YAF2: variants seen among roughly 807,000 people sequenced by gnomAD.
The protein encoded by YAF2 is YY1-associated factor 2.
A neutral mutation model predicts 20.1 loss-of-function variants in YAF2; 7 were observed. The ratio of observed to expected loss-of-function variants is 0.35; its 90% CI spans 0.20 to 0.65. YAF2 has a LOEUF of 0.65. Among genes scored for constraint, YAF2 ranks in the 30% least tolerant of loss-of-function variants. The pLI is 0.69. For synonymous variants in YAF2, 74 were observed against 76.0 expected (o/e 0.97, Z 0.14); for missense variants, 151 against 219.2 (o/e 0.69, Z 1.96).
intron 2 of YAF2, among the ~76,000 whole-genome samples, chr12:42,213,750 A>T (rs1422173146): frequency 6.6e-6 from 1 of 152,234 alleles, no homozygotes; most frequent in Admixed American, 6.5e-5. Flanking sequence ...CTGAAATGCC[A>T]TACCTTAAAA....
chr12:42,236,074 A>G, intron 2 of YAF2: 1 of 1,500,580 alleles, frequency 6.7e-7, no homozygotes, highest in Non-Finnish European at 8.9e-7. Flanking sequence ...GGAACAACAA[A>G]AAGCAATAAT....
At chr12:42,237,322 C>T (rs1015885889) in intron 2 of YAF2, 2 of 932,358 alleles carry the variant, frequency 2.1e-6, no homozygotes, top group Non-Finnish European at 2.7e-6. Context: ...GGGCATTACA[C>T]CCAGCGATAC....
At chr12:42,237,511 G>T in intron 2 of YAF2, 88 bp downstream of exon 2, 1 of 1,381,362 alleles carries the variant, frequency 7.2e-7, no homozygotes, top group Non-Finnish European at 9.4e-7. Context: ...GGGTCCGCCA[G>T]TGTCATGGGA....
intron 2 of YAF2, chr12:42,234,672 G>C (rs1382887394): frequency 1.0e-6 from 1 of 984,520 alleles, no homozygotes. Flanking sequence ...ATTATTTAAA[G>C]AAAAAAAATT....
intron 2 of YAF2, among the ~76,000 whole-genome samples, chr12:42,207,814 C>A (rs1331758684): frequency 1.6e-5 from 2 of 123,456 alleles, no homozygotes; most frequent in South Asian, 2.5e-4. Context: ...TGGCGTGAAC[C>A]CAGGAGGCAG....
rs886786450 is a variant in YAF2, at chr12:42,158,122, G to C, written c.*2467C>G. On this transcript the variant is annotated 3_prime_UTR_variant, in exon 4 of 4. Coordinates refer to ENST00000534854, the MANE Select transcript of YAF2 (RefSeq NM_005748.6). ...AGTTCTGTTTATGGAATTTGGGTCT[G>C]TTTTCCTGGTGTGGAAGTGTACTTG... 6.6e-6 allele frequency: 1 copy of C among 152,192 alleles called. No homozygotes were observed. The highest frequency in any genetic ancestry group is 1.5e-5 in the Non-Finnish European group (1 of 68,018). The allele number at this position is 152,192 out of a possible 1,614,324, so 9.4% of individuals were successfully genotyped here.
intron 2 of YAF2, among the ~76,000 whole-genome samples, chr12:42,224,382 C>A (rs2067619661): frequency 6.6e-6 from 1 of 151,898 alleles, no homozygotes; most frequent in African/African-American, 2.4e-5. Flanking sequence ...CAATATATTT[C>A]TTTTTTTTAT....
chr12:42,235,368 C>T (rs765375940), intron 2 of YAF2: 4 of 1,014,330 alleles, frequency 3.9e-6, no homozygotes, highest in Non-Finnish European at 4.7e-6. Context: ...GTTTTTTTAA[C>T]ATTACCAGAG....
rs986524983 is a variant in YAF2 at position 42,234,398 on chromosome 12, C to T, written c.152+3201G>A. On this transcript the variant is annotated intron_variant, in intron 2 of 3. Transcript: ENST00000534854. ...TTGGAGTGAGGGGCTGAAAAATGAC[C>T]TGTTGGGTATAACGTTCACCATTTG... 9 of 985,102 alleles carry T rather than the reference C, an allele frequency of 9.1e-6. No homozygotes were observed. In the South Asian group the frequency reaches 2.3e-4, roughly 26 times the overall value. 61.0% of individuals were successfully genotyped at this position (985,102 alleles called of 1,614,324 possible).
At position 42,173,654 on chromosome 12, in the gene YAF2, C is replaced by G. The variant is rs151083828; in HGVS notation, c.153-11889G>C. ...ACCCACTAATACTACTCTAGCTTAA[C>G]CCAACAGACTTCTACAGCACCTTCT... On this transcript the variant is annotated intron_variant, in intron 2 of 3. Transcript: ENST00000534854. Among the ~76,000 whole-genome samples the G allele has an allele frequency of 3.3e-5, 5 of 152,308 alleles. No homozygotes were observed. In the East Asian group the frequency reaches 9.7e-4, roughly 29 times the overall value.
intron 2 of YAF2, chr12:42,237,311 G>T: frequency 1.3e-6 from 1 of 783,524 alleles, no homozygotes; most frequent in Non-Finnish European, 1.6e-6. Context: ...AATGGGGAGA[G>T]GGGCATTACA....
chr12:42,186,809 C>T (rs1565615436), intron 2 of YAF2, among the ~76,000 whole-genome samples: 1 of 152,170 alleles, frequency 6.6e-6, no homozygotes, highest in Non-Finnish European at 1.5e-5. Flanking sequence ...TTTAGAGGGA[C>T]AAAGCTCATC....
At position 42,160,413 on chromosome 12, in the gene YAF2, T is replaced by C; in HGVS notation, c.*176A>G. 1.7e-6 allele frequency: 1 copy of C among 587,110 alleles called. No homozygotes were observed. The highest frequency in any genetic ancestry group is 3.0e-6 in the Non-Finnish European group (1 of 337,154). The allele number at this position is 587,110 out of a possible 1,614,324, so 36.4% of individuals were successfully genotyped here. ...CCAAAATGTTAAGTCTGGAAATGTTTGGTAGGCATCATTGCAATAAAATCT... is the reference window on the plus strand; with the variant it reads ...CCAAAATGTTAAGTCTGGAAATGTTCGGTAGGCATCATTGCAATAAAATCT... On this transcript the variant is annotated 3_prime_UTR_variant, in exon 4 of 4. Coordinates refer to ENST00000534854, the MANE Select transcript of YAF2 (RefSeq NM_005748.6).
intron 2 of YAF2, among the ~76,000 whole-genome samples, chr12:42,206,944 T>C (rs912827102): frequency 2.0e-5 from 3 of 152,150 alleles, no homozygotes; most frequent in Non-Finnish European, 4.4e-5. Context: ...TTCAAAATTG[T>C]TAACATTTAC....
intron 2 of YAF2, among the ~76,000 whole-genome samples, chr12:42,206,347 G>C (rs1324437118): frequency 1.3e-5 from 2 of 148,342 alleles, no homozygotes; most frequent in East Asian, 4.0e-4. Context: ...AGTGGCTCAC[G>C]CCTGTAATCC....
intron 2 of YAF2, among the ~76,000 whole-genome samples, chr12:42,212,879 A>G (rs2067251566): frequency 2.0e-5 from 3 of 152,236 alleles, no homozygotes; most frequent in African/African-American, 7.2e-5. Context: ...CTCCATTTCT[A>G]ATTGGAATAA....
chr12:42,199,110 T>C, intron 2 of YAF2: 1 of 1,221,462 alleles, frequency 8.2e-7, no homozygotes, highest in Non-Finnish European at 1.1e-6. Flanking sequence ...AAGATGATTT[T>C]AAGGTGAAAA....
intron 2 of YAF2, among the ~76,000 whole-genome samples, chr12:42,171,033 C>T (rs976028599): frequency 5.3e-5 from 8 of 152,076 alleles, no homozygotes; most frequent in Non-Finnish European, 1.0e-4. Context: ...AACTCTGTCT[C>T]CCAGGCTGGA....
chr12:42,194,809 A>G (rs1454655982), intron 2 of YAF2, among the ~76,000 whole-genome samples: 1 of 152,194 alleles, frequency 6.6e-6, no homozygotes, highest in Non-Finnish European at 1.5e-5. Flanking sequence ...ACATTCTGGT[A>G]AAAACATGCA....
Sources: allele counts gnomAD v4.1 joint callset (sites outside exome capture counted in the v4.1 genomes callset), GRCh38; gene constraint gnomAD v4.1.1; transcripts MANE v1.5; gene names NCBI Gene and HGNC (gene_info 2026-07-23, HGNC 2026-07-21).